DMD: variants seen among roughly 807,000 people sequenced by gnomAD.
DMD encodes mutant dystrophin.
A neutral mutation model predicts 330.1 loss-of-function variants in DMD; 63 were observed. The observed-to-expected ratio is 0.19, with a 90% CI of 0.16 to 0.24. DMD has a LOEUF of 0.24. Among genes scored for constraint, DMD ranks in the 10% least tolerant of loss-of-function variants. DMD has a pLI of 1.00. For missense variants in DMD, 3,344 were observed against 2,684.1 expected (o/e 1.25, Z -5.43); for synonymous variants, 1,223 against 959.8 (o/e 1.27, Z -5.07).
At chrX:32,763,904 A>T (rs1428787443) in intron 7 of DMD, among the ~76,000 whole-genome samples, 4 of 111,694 alleles carry the variant, frequency 3.6e-5, no homozygotes, top group African/African-American at 1.3e-4. Context: ...TTATCTGTTA[A>T]AAAAGACCCC....
chrX:31,764,991 C>T (rs761120146), intron 51 of DMD, among the ~76,000 whole-genome samples: 14 of 109,156 alleles, frequency 1.3e-4, no homozygotes, highest in Non-Finnish European at 1.9e-4. Context: ...TTTTAGAAAC[C>T]GTGGCATTAT....
intron 1 of DMD, among the ~76,000 whole-genome samples, chrX:33,332,554 C>T (rs2054195390): frequency 9.0e-6 from 1 of 111,082 alleles, no homozygotes; most frequent in South Asian, 3.7e-4. Flanking sequence ...TCCTGAAGGA[C>T]ATTTACATAG....
At chrX:32,309,599 A>G (rs2097553683) in intron 42 of DMD, among the ~76,000 whole-genome samples, 1 of 111,299 alleles carries the variant, frequency 9.0e-6, no homozygotes, top group Non-Finnish European at 1.9e-5. Flanking sequence ...TATTTTATTG[A>G]TTTCTATTCA....
At chrX:32,142,492 C>G (rs776478344) in intron 44 of DMD, among the ~76,000 whole-genome samples, 1 of 112,431 alleles carries the variant, frequency 8.9e-6, no homozygotes, top group South Asian at 3.7e-4. Flanking sequence ...AGCAAAGTAA[C>G]GGTTAAGAAT....
intron 2 of DMD, among the ~76,000 whole-genome samples, chrX:32,855,915 C>G (rs1379581360): frequency 9.0e-6 from 1 of 111,656 alleles, no homozygotes; most frequent in Non-Finnish European, 1.9e-5. Flanking sequence ...CAACTACCCA[C>G]CTGACAAGGA....
At chrX:31,715,430 C>T (rs750196705) in intron 52 of DMD, among the ~76,000 whole-genome samples, 3 of 103,411 alleles carry the variant, frequency 2.9e-5, no homozygotes, top group Non-Finnish European at 5.9e-5. Flanking sequence ...GTAGTCCCAG[C>T]TACACGGGAG....
At chrX:32,640,424 G>A (rs2059376540) in intron 11 of DMD, among the ~76,000 whole-genome samples, 1 of 109,875 alleles carries the variant, frequency 9.1e-6, no homozygotes, top group Admixed American at 9.9e-5. Flanking sequence ...TAGGCAAACT[G>A]GAGAGGATTT....
intron 44 of DMD, among the ~76,000 whole-genome samples, chrX:32,107,050 G>T (rs1176081249): frequency 9.0e-6 from 1 of 111,612 alleles, no homozygotes; most frequent in East Asian, 2.8e-4. Context: ...GGGGACATTT[G>T]TATGGGGTTG....
chrX:32,855,044 G>T (rs907861161), intron 2 of DMD, among the ~76,000 whole-genome samples: 1 of 111,778 alleles, frequency 8.9e-6, no homozygotes, highest in African/African-American at 3.3e-5. Context: ...AAATCAATGT[G>T]ATAGATCGTA....
chrX:32,696,635 A>G (rs2063675244), intron 9 of DMD, among the ~76,000 whole-genome samples: 1 of 111,567 alleles, frequency 9.0e-6, no homozygotes, highest in South Asian at 3.8e-4. Context: ...TGCTACCAGA[A>G]TAGGCATTGG....
chrX:32,351,555 G>T (rs1162696342), intron 37 of DMD, among the ~76,000 whole-genome samples: 1 of 109,049 alleles, frequency 9.2e-6, no homozygotes, highest in South Asian at 3.9e-4. Context: ...AGTCAGTGGG[G>T]TGTGTTCCCT....
intron 44 of DMD, among the ~76,000 whole-genome samples, chrX:32,107,317 TAC>T (rs1393841872): frequency 3.0e-5 from 3 of 98,508 alleles, no homozygotes; most frequent in Non-Finnish European, 4.1e-5. Context: ...AGAATATGTA[TAC>T]ACACACATAT....
At chrX:32,053,828 T>C (rs919084001) in intron 44 of DMD, among the ~76,000 whole-genome samples, 1 of 111,495 alleles carries the variant, frequency 9.0e-6, no homozygotes, top group East Asian at 2.8e-4. Context: ...CTGCTTAAAA[T>C]AGTTCTTTAA....
intron 7 of DMD, among the ~76,000 whole-genome samples, chrX:32,704,320 C>T (rs2064406335): frequency 1.1e-5 from 1 of 90,037 alleles, no homozygotes; most frequent in Non-Finnish European, 1.9e-5. Context: ...AACATGCCCT[C>T]ACCCCAAGAA....
chrX:31,198,051 A>T (rs1602606662), intron 67 of DMD, among the ~76,000 whole-genome samples: 1 of 92,224 alleles, frequency 1.1e-5, no homozygotes, highest in East Asian at 4.7e-4. Context: ...AAAAAATTGA[A>T]CTCATGGAGA....
At chrX:32,977,633 G>T (rs1344620632) in intron 2 of DMD, among the ~76,000 whole-genome samples, 5 of 111,279 alleles carry the variant, frequency 4.5e-5, no homozygotes, top group Admixed American at 2.9e-4. Flanking sequence ...CCTAGATTGT[G>T]AAAAACATGG....
At chrX:33,046,851 C>T (rs1371029226) in intron 1 of DMD, among the ~76,000 whole-genome samples, 1 of 112,122 alleles carries the variant, frequency 8.9e-6, no homozygotes, top group Non-Finnish European at 1.9e-5. Flanking sequence ...TGTTGAACAT[C>T]TACAAATTGC....
intron 29 of DMD, among the ~76,000 whole-genome samples, chrX:32,430,025 T>TC (rs1166668284): frequency 9.0e-6 from 1 of 111,601 alleles, no homozygotes; most frequent in African/African-American, 3.3e-5. Flanking sequence ...CACTTTTTTT[T>TC]CACTCTGATA....
chrX:32,008,917 A>G (rs1450540006), intron 44 of DMD, among the ~76,000 whole-genome samples: 2 of 111,472 alleles, frequency 1.8e-5, no homozygotes, highest in Admixed American at 1.9e-4. Context: ...AACCCAGAAT[A>G]TGAAAGTCAG....
Sources: allele counts gnomAD v4.1 joint callset (sites outside exome capture counted in the v4.1 genomes callset), GRCh38; gene constraint gnomAD v4.1.1; transcripts MANE v1.5; gene names NCBI Gene and HGNC (gene_info 2026-07-23, HGNC 2026-07-21).